The following CSPP1 variants were observed in gnomAD, a reference collection of about 807,000 sequenced individuals.
The protein encoded by CSPP1 is centrosome and spindle pole associated protein 1.
In CSPP1, 126 loss-of-function variants were observed where a neutral mutation model predicts 164.4. That is an observed-to-expected ratio of 0.77 (90% confidence interval 0.66 to 0.89). The LOEUF (loss-of-function observed/expected upper bound fraction) is 0.89. Ranked by LOEUF, CSPP1 falls within the 40% of genes least tolerant of loss-of-function variation. The probability of loss-of-function intolerance (pLI) is 0.00; values close to 1 mark genes in which losing one functional copy is unlikely to be tolerated. For missense variants in CSPP1, 1,395 were observed against 1,449.8 expected, an observed-to-expected ratio of 0.96 and a Z score of 0.61; for synonymous variants, 472 against 476.7, an observed-to-expected ratio of 0.99 and a Z score of 0.13.
In CSPP1 at chr8:67,104,964, ATATTTTTTT is replaced by A. The variant is rs1178442528; in HGVS notation, c.1023-939_1023-931del. ...CTTACATGCACATATATATATATAT[ATATTTTTTT>A]TTTTTTTTTTTTTTTTTTTACTGGG... On this transcript the variant is annotated intron_variant, in intron 8 of 30. Transcript: ENST00000678616. Among the ~76,000 whole-genome samples the A allele has an allele frequency of 5.2e-3, 423 of 81,418 alleles. 6 individuals carry two copies. Among genetic ancestry groups the A allele is most frequent in the African/African-American group, 0.022 (404 of 18,102 alleles). The allele number at this position is 81,418 out of a possible 152,430, so 53.4% of individuals were successfully genotyped here. A position where few individuals can be genotyped will look rare whatever the true frequency, so the allele number is the denominator to read the frequency against.
rs1837037697 is a variant in CSPP1 at position 67,193,615 on chromosome 8, G to T, written c.3469+13G>T. On this transcript the variant is annotated intron_variant, in intron 30 of 30. Transcript: ENST00000678616. ...CCTATTAATACAGGTAAATGACCAA[G>T]TGTAATGGCCTATAGTAGAATCCTG... 1.9e-6 allele frequency: 3 copies of T among 1,609,536 alleles called. No homozygotes were observed. Among genetic ancestry groups the T allele is most frequent in the Middle Eastern group, 1.7e-4 (1 of 6,036 alleles).
chr8:67,185,772 C>G (rs1377484165), intron 28 of CSPP1, among the ~76,000 whole-genome samples: 4 of 151,964 alleles, frequency 2.6e-5, no homozygotes, highest in Non-Finnish European at 5.9e-5. Flanking sequence ...GATGAGGAAG[C>G]TGAAGAAAAA....
At chr8:67,076,455 C>G (rs1425464325) in intron 2 of CSPP1, 27 bp from the exon 3 acceptor site, 2 of 1,364,126 alleles carry the variant, frequency 1.5e-6, no homozygotes, top group African/African-American at 1.5e-5. Flanking sequence ...TTTCCTCTTG[C>G]TTTTGTAAAC....
chr8:67,106,824 TAAATTA>T (rs1815645906), intron 9 of CSPP1, among the ~76,000 whole-genome samples: 1 of 152,176 alleles, frequency 6.6e-6, no homozygotes, highest in Non-Finnish European at 1.5e-5. Flanking sequence ...AAACAGTCAG[TAAATTA>T]AATACTGGTT....
At chr8:67,153,802 A>AT (rs988336753) in intron 18 of CSPP1, among the ~76,000 whole-genome samples, 2 of 150,898 alleles carry the variant, frequency 1.3e-5, no homozygotes, top group Admixed American at 6.6e-5. Context: ...ATATTATTTG[A>AT]TTTTTTTAAC....
chr8:67,102,510 A>T (rs1199708110), intron 7 of CSPP1, among the ~76,000 whole-genome samples: 1 of 152,158 alleles, frequency 6.6e-6, no homozygotes, highest in Non-Finnish European at 1.5e-5. Flanking sequence ...GAATCACTTG[A>T]ACCCAGGAGG....
intron 4 of CSPP1, among the ~76,000 whole-genome samples, chr8:67,087,857 T>C (rs912344218): frequency 2.0e-5 from 3 of 152,248 alleles, no homozygotes; most frequent in African/African-American, 7.2e-5. Context: ...TAGTTCTGCA[T>C]GTAGAGACTC....
intron 15 of CSPP1, among the ~76,000 whole-genome samples, chr8:67,119,031 C>A (rs1294657487): frequency 6.6e-6 from 1 of 152,050 alleles, no homozygotes; most frequent in Non-Finnish European, 1.5e-5. Context: ...TAATGGTGTA[C>A]CTCCTCATTC....
intron 1 of CSPP1, among the ~76,000 whole-genome samples, chr8:67,069,722 G>A (rs1806318447): frequency 6.8e-6 from 1 of 146,308 alleles, no homozygotes; most frequent in Non-Finnish European, 1.5e-5. Context: ...GCAGTGGCAT[G>A]ATCTCGGCTC....
chr8:67,179,828 TA>T, intron 27 of CSPP1, 34 bp from the exon 28 acceptor site: 1 of 1,446,864 alleles, frequency 6.9e-7, no homozygotes, highest in Non-Finnish European at 9.7e-7. Context: ...TACACAAAAC[TA>T]ATAAAAATAG....
chr8:67,069,100 C>A (rs573654142), intron 1 of CSPP1: 3 of 152,330 alleles, frequency 2.0e-5, no homozygotes, highest in Admixed American at 2.0e-4. Context: ...ACCCTCTTAC[C>A]ACGATACCAC....
intron 1 of CSPP1, among the ~76,000 whole-genome samples, chr8:67,070,812 C>G (rs1806619935): frequency 6.6e-6 from 1 of 151,094 alleles, no homozygotes; most frequent in African/African-American, 2.4e-5. Context: ...CAGTGGCATG[C>G]TCATAAGCTC....
intron 28 of CSPP1, among the ~76,000 whole-genome samples, chr8:67,186,816 A>G (rs996977186): frequency 3.3e-5 from 5 of 152,246 alleles, no homozygotes; most frequent in Non-Finnish European, 7.3e-5. Flanking sequence ...AAGCAGTTAT[A>G]ATCAAGTTGT....
At chr8:67,121,975 CCTTTCTTATTTTTAAAAGATTAATAG>C (rs1188104740) in intron 15 of CSPP1, among the ~76,000 whole-genome samples, 6 of 151,888 alleles carry the variant, frequency 4.0e-5, no homozygotes, top group Non-Finnish European at 8.8e-5. Context: ...CCCTTACAGT[CCTTTCTTATTTTTAAAAGATTAATAG>C]TGATGCCCCT....
chr8:67,068,895 C>T (rs956380073), intron 1 of CSPP1, among the ~76,000 whole-genome samples: 1 of 152,200 alleles, frequency 6.6e-6, no homozygotes, highest in Admixed American at 6.5e-5. Flanking sequence ...CAAACATTCC[C>T]TTTCCCAGCT....
At chr8:67,105,385 T>G (rs1424043481) in intron 8 of CSPP1, among the ~76,000 whole-genome samples, 1 of 152,022 alleles carries the variant, frequency 6.6e-6, no homozygotes, top group Non-Finnish European at 1.5e-5. Context: ...GTTTTTGTTT[T>G]TGTTTTTGTT....
At chr8:67,188,176 TA>T (rs769473914) in intron 28 of CSPP1, among the ~76,000 whole-genome samples, 115 of 152,300 alleles carry the variant, frequency 7.6e-4, no homozygotes, top group Non-Finnish European at 1.1e-3. Context: ...AAAGAAATCT[TA>T]AAACTCAACA....
chr8:67,159,945 CCTTCCTTCCTT>C (rs1586614810), intron 21 of CSPP1, among the ~76,000 whole-genome samples: 1 of 35,114 alleles, frequency 2.8e-5, no homozygotes, highest in African/African-American at 9.6e-5. Context: ...TTCCTTCCTT[CCTTCCTTCCTT>C]CTTTCTTTTC....
At chr8:67,189,071 A>G (rs979192964) in intron 28 of CSPP1, among the ~76,000 whole-genome samples, 1 of 152,128 alleles carries the variant, frequency 6.6e-6, no homozygotes, top group Non-Finnish European at 1.5e-5. Context: ...AAAATGAGAT[A>G]CCACCACATA....
Sources: gnomAD v4.1 joint callset for allele counts (sites outside exome capture counted in the v4.1 genomes callset) on GRCh38, gnomAD v4.1.1 for gene constraint, MANE v1.5 for transcripts, NCBI Gene and HGNC (gene_info 2026-07-23, HGNC 2026-07-21) for gene names.